The following AGTR1 variants were observed in gnomAD, a reference collection of about 807,000 sequenced individuals.
The protein encoded by AGTR1 is angiotensin II receptor type 1.
AGTR1 carries 16 observed loss-of-function variants against 19.4 expected under a neutral mutation model. That is an observed-to-expected ratio of 0.82 (90% confidence interval 0.56 to 1.25). AGTR1 has a LOEUF of 1.25. Ranked by LOEUF, AGTR1 falls within the 50% of genes most tolerant of loss-of-function variation. The pLI, the probability that AGTR1 is intolerant of heterozygous loss-of-function variation, is 0.00. For synonymous variants in AGTR1, 153 were observed against 154.9 expected, an observed-to-expected ratio of 0.99 and a Z score of 0.09; for missense variants, 373 against 431.9, an observed-to-expected ratio of 0.86 and a Z score of 1.21.
intron 2 of AGTR1, among the ~76,000 whole-genome samples, chr3:148,729,013 C>G (rs201248251): frequency 6.6e-6 from 1 of 152,128 alleles, no homozygotes; most frequent in East Asian, 1.9e-4. Context: ...ACTTTGAGAA[C>G]AAGAGCCTCA....
At chr3:148,712,963 C>A (rs891590579) in intron 2 of AGTR1, among the ~76,000 whole-genome samples, 12 of 152,036 alleles carry the variant, frequency 7.9e-5, no homozygotes, top group Non-Finnish European at 1.5e-4. Context: ...GTAGGAGGCG[C>A]CCCCTGGACT....
intron 2 of AGTR1, among the ~76,000 whole-genome samples, chr3:148,711,695 A>G (rs1346341007): frequency 3.3e-5 from 5 of 152,194 alleles, no homozygotes; most frequent in African/African-American, 1.2e-4. Flanking sequence ...ACATAACTCT[A>G]TAGAAAATAA....
chr3:148,709,316 G>A (rs1712851440), intron 2 of AGTR1, among the ~76,000 whole-genome samples: 1 of 152,076 alleles, frequency 6.6e-6, no homozygotes, highest in Non-Finnish European at 1.5e-5. Context: ...CAGCCCACTA[G>A]CAGGAAAAGC....
At chr3:148,709,542 A>T (rs1452602870) in intron 2 of AGTR1, among the ~76,000 whole-genome samples, 1 of 152,216 alleles carries the variant, frequency 6.6e-6, no homozygotes, top group Non-Finnish European at 1.5e-5. Context: ...ATGAATAAGC[A>T]AAACATACTT....
chr3:148,702,786 G>A, intron 1 of AGTR1, among the ~76,000 whole-genome samples: 1 of 152,120 alleles, frequency 6.6e-6, no homozygotes, highest in Non-Finnish European at 1.5e-5. Context: ...TCACTTGCTT[G>A]CCTGTTTGTT....
At chr3:148,699,764 TG>T (rs2107921287) in intron 1 of AGTR1, among the ~76,000 whole-genome samples, 1 of 152,300 alleles carries the variant, frequency 6.6e-6, no homozygotes, top group South Asian at 2.1e-4. Flanking sequence ...TTAAGTTTTG[TG>T]ATTCTTAGTT....
chr3:148,722,255 T>TAA, intron 2 of AGTR1, among the ~76,000 whole-genome samples: 1 of 152,310 alleles, frequency 6.6e-6, no homozygotes, highest in South Asian at 2.1e-4. Flanking sequence ...CACTATTACA[T>TAA]TAAATGGTTA....
chr3:148,732,619 G>A (rs1343767944), intron 2 of AGTR1, among the ~76,000 whole-genome samples: 1 of 149,188 alleles, frequency 6.7e-6, no homozygotes, highest in Non-Finnish European at 1.5e-5. Flanking sequence ...CAACTGCCTT[G>A]TTATAATTCT....
chr3:148,737,915 A>T (rs1187593896), intron 2 of AGTR1, among the ~76,000 whole-genome samples: 1 of 152,204 alleles, frequency 6.6e-6, no homozygotes, highest in African/African-American at 2.4e-5. Context: ...GCTACCTTTT[A>T]TATATTAAAT....
intron 2 of AGTR1, among the ~76,000 whole-genome samples, chr3:148,711,826 G>T (rs1353893291): frequency 1.3e-5 from 2 of 152,106 alleles, no homozygotes. Context: ...ATAGCTCACT[G>T]CAGCCTTAAA....
At chr3:148,707,904 T>G (rs1294759376) in intron 1 of AGTR1, 40 bp from the exon 2 acceptor site, 1 of 152,188 alleles carries the variant, frequency 6.6e-6, no homozygotes, top group Non-Finnish European at 1.5e-5. Flanking sequence ...AAAACCTGAC[T>G]ATATTCAGTG....
At chr3:148,719,979 T>C (rs1044813983) in intron 2 of AGTR1, among the ~76,000 whole-genome samples, 4 of 152,258 alleles carry the variant, frequency 2.6e-5, no homozygotes, top group Non-Finnish European at 4.4e-5. Context: ...TCTCTTTCAC[T>C]TCACTATGTA....
chr3:148,736,112 G>A (rs1265255982), intron 2 of AGTR1, among the ~76,000 whole-genome samples: 1 of 152,030 alleles, frequency 6.6e-6, no homozygotes, highest in Non-Finnish European at 1.5e-5. Context: ...GCTTAAGAAG[G>A]TATTAATATT....
intron 2 of AGTR1, among the ~76,000 whole-genome samples, chr3:148,729,749 T>C (rs115646063): frequency 3.5e-4 from 54 of 152,314 alleles, no homozygotes; most frequent in African/African-American, 1.2e-3. Context: ...TCTAAATATT[T>C]TTATTACAGT....
At chr3:148,719,039 T>C (rs1309701072) in intron 2 of AGTR1, among the ~76,000 whole-genome samples, 1 of 152,166 alleles carries the variant, frequency 6.6e-6, no homozygotes, top group African/African-American at 2.4e-5. Context: ...TTTCTTAAAG[T>C]GTTGTGATTT....
chr3:148,702,362 C>T (rs546158773), intron 1 of AGTR1, among the ~76,000 whole-genome samples: 4 of 152,178 alleles, frequency 2.6e-5, no homozygotes, highest in Non-Finnish European at 4.4e-5. Flanking sequence ...AGTCAAAGCT[C>T]CTCTTATCTA....
chr3:148,709,115 GT>G (rs899456731), intron 2 of AGTR1, among the ~76,000 whole-genome samples: 8 of 151,838 alleles, frequency 5.3e-5, no homozygotes, highest in Non-Finnish European at 7.4e-5. Flanking sequence ...GTTTTGGGAG[GT>G]TTTTTTTCTG....
In AGTR1 at chr3:148,742,123, G is replaced by A. The variant is rs746711410; in HGVS notation, c.*8G>A. 126 of 1,613,664 alleles carry A rather than the reference G, an allele frequency of 7.8e-5. No homozygotes were observed. The highest frequency in any genetic ancestry group is 3.7e-4 in the Admixed American group (22 of 59,958). ...TGTTTTGAGGTTGAGTGACATGTTC[G>A]AAACCTGTCCATAAAGTAATTTTGT... On this transcript the variant is annotated 3_prime_UTR_variant, in exon 3 of 3. Transcript: ENST00000349243.
At chr3:148,701,316 A>C (rs558559639) in intron 1 of AGTR1, among the ~76,000 whole-genome samples, 1 of 152,346 alleles carries the variant, frequency 6.6e-6, no homozygotes, top group African/African-American at 2.4e-5. Context: ...ACTAGTGACT[A>C]TTGCTGCTAG....
Sources: gnomAD v4.1 joint callset for allele counts (sites outside exome capture counted in the v4.1 genomes callset) on GRCh38, gnomAD v4.1.1 for gene constraint, MANE v1.5 for transcripts, NCBI Gene and HGNC (gene_info 2026-07-23, HGNC 2026-07-21) for gene names.